The following C8orf89 variants were observed in gnomAD, a reference collection of about 807,000 sequenced individuals.
The protein encoded by C8orf89 is putative uncharacterized protein C8orf89.
A neutral mutation model predicts 15.8 loss-of-function variants in C8orf89; 14 were observed. The ratio of observed to expected loss-of-function variants is 0.89; its 90% CI spans 0.59 to 1.39. C8orf89 has a LOEUF of 1.39. Ranked by LOEUF, C8orf89 falls within the 40% of genes most tolerant of loss-of-function variation. The pLI is 0.00. For missense variants in C8orf89, 181 were observed against 184.5 expected (o/e 0.98, Z 0.11); for synonymous variants, 55 against 62.2 (o/e 0.88, Z 0.54).
chr8:73,260,763 C>G (rs1813510584), upstream of C8orf89, among the ~76,000 whole-genome samples: 1 of 152,052 alleles, frequency 6.6e-6, no homozygotes, highest in African/African-American at 2.4e-5. Flanking sequence ...TATTGAGTGT[C>G]AACTTGATTG....
At chr8:73,247,272 C>T (rs1039885830) in intron 3 of C8orf89, among the ~76,000 whole-genome samples, 5 of 152,164 alleles carry the variant, frequency 3.3e-5, no homozygotes, top group Admixed American at 2.6e-4. Flanking sequence ...AGGACATGAT[C>T]TGTTCTTTTT....
At chr8:73,280,566 G>A in the C8orf89 span, among the ~76,000 whole-genome samples, 6 of 151,984 alleles carry the variant, frequency 3.9e-5, no homozygotes, top group African/African-American at 1.2e-4. Context: ...TTGAGAAGGG[G>A]TTTCACCATG....
intron 3 of C8orf89, among the ~76,000 whole-genome samples, chr8:73,246,897 T>C (rs773299645): frequency 2.0e-5 from 3 of 152,180 alleles, no homozygotes; most frequent in Non-Finnish European, 4.4e-5. Context: ...ACTTAGTAAT[T>C]TTAGTTTTGG....
chr8:73,246,657 G>A (rs1194963829), intron 3 of C8orf89, among the ~76,000 whole-genome samples: 5 of 152,232 alleles, frequency 3.3e-5, no homozygotes, highest in Middle Eastern at 3.4e-3. Flanking sequence ...GATTACAGGC[G>A]TGAGCCACCG....
chr8:73,243,852 C>T (rs1366385208), intron 3 of C8orf89, among the ~76,000 whole-genome samples: 1 of 152,046 alleles, frequency 6.6e-6, no homozygotes, highest in Non-Finnish European at 1.5e-5. Flanking sequence ...TATAAAATGA[C>T]TATGTGCCTC....
the C8orf89 span, chr8:73,277,472 T>C: frequency 1.6e-5 from 15 of 959,322 alleles, no homozygotes; most frequent in Non-Finnish European, 3.2e-6. Context: ...TCGAGAAGAA[T>C]CCCCTGGTTT....
upstream of C8orf89, among the ~76,000 whole-genome samples, chr8:73,262,641 AC>A (rs1813549665): frequency 6.6e-6 from 1 of 151,766 alleles, no homozygotes. Flanking sequence ...ACATAGTGAG[AC>A]CCCCTAATCT....
At chr8:73,281,493 CAAT>C in the C8orf89 span, among the ~76,000 whole-genome samples, 426 of 152,200 alleles carry the variant, frequency 2.8e-3, 1 homozygote, top group Non-Finnish European at 5.1e-3. Flanking sequence ...TGTAATACAA[CAAT>C]GATTAAAGAT....
the C8orf89 span, among the ~76,000 whole-genome samples, chr8:73,276,868 G>A: frequency 8.7e-5 from 12 of 137,290 alleles, no homozygotes; most frequent in Admixed American, 1.7e-4. Flanking sequence ...GTGCAGTGGC[G>A]TGATCTCGGC....
At chr8:73,271,879 G>T in the C8orf89 span, among the ~76,000 whole-genome samples, 1 of 152,294 alleles carries the variant, frequency 6.6e-6, no homozygotes, top group African/African-American at 2.4e-5. Context: ...AATTATAGGA[G>T]AACAATTCAA....
At chr8:73,276,343 A>T in the C8orf89 span, among the ~76,000 whole-genome samples, 1 of 151,696 alleles carries the variant, frequency 6.6e-6, no homozygotes, top group Non-Finnish European at 1.5e-5. Context: ...CGCCCTGCTA[A>T]TTTTTTGTAT....
At chr8:73,246,307 G>A (rs991491246) in intron 3 of C8orf89, among the ~76,000 whole-genome samples, 1 of 152,202 alleles carries the variant, frequency 6.6e-6, no homozygotes, top group African/African-American at 2.4e-5. Flanking sequence ...AAGTCATAAT[G>A]TTAGAAAAGA....
upstream of C8orf89, among the ~76,000 whole-genome samples, chr8:73,263,890 G>A (rs1446433439): frequency 1.3e-5 from 2 of 152,084 alleles, no homozygotes; most frequent in Non-Finnish European, 2.9e-5. Context: ...GTTCCTAGGG[G>A]GACTTATAAG....
rs1156853187 is a variant in C8orf89, at chr8:73,241,452, A to T, written c.*5T>A. On this transcript the variant is annotated 3_prime_UTR_variant, in exon 4 of 4. Transcript: ENST00000624510. ...TGAAGAAAGCATCACACTGTACGAC[A>T]TTTTTCAGCGGTCTCGGAGGTCTCG... 1.8e-5 allele frequency: 28 copies of T among 1,519,494 alleles called. No individual in the cohort carries two copies. The highest frequency in any genetic ancestry group is 2.5e-5 in the Non-Finnish European group (28 of 1,138,222). The allele number at this position is 1,519,494 out of a possible 1,614,324, so 94.1% of individuals were successfully genotyped here.
At chr8:73,258,449 A>C (rs571488251) in intron 1 of C8orf89, among the ~76,000 whole-genome samples, 3 of 151,756 alleles carry the variant, frequency 2.0e-5, no homozygotes, top group African/African-American at 7.3e-5. Context: ...TTCTCCATCA[A>C]TAAAGATGGA....
chr8:73,270,844 G>GTGCT, the C8orf89 span, among the ~76,000 whole-genome samples: 1 of 152,148 alleles, frequency 6.6e-6, no homozygotes, highest in Non-Finnish European at 1.5e-5. Flanking sequence ...GTGAACAAAA[G>GTGCT]TATTTCCCAC....
the C8orf89 span, among the ~76,000 whole-genome samples, chr8:73,281,534 G>A: frequency 7.2e-5 from 11 of 152,304 alleles, no homozygotes; most frequent in African/African-American, 2.6e-4. Context: ...GGAGGTAGTG[G>A]GGAGGAGTAA....
chr8:73,257,034 AACTTAC>A lies in C8orf89; in HGVS notation c.214_219del (p.Val72_Ser73del). On this transcript the variant is annotated inframe_deletion, in exon 2 of 4. Coordinates refer to ENST00000624510, the MANE Select transcript of C8orf89 (RefSeq NM_001243237.3). The stretch of plus-strand genomic sequence containing the variant: ...CTTTTAGGAACCTCTAGTGGAGTTG[AACTTAC>A]ACTTTTTTGGCAACTTTGCAGTCCT... 6.5e-7 allele frequency: 1 copy of A among 1,535,938 alleles called. No individual in the cohort carries two copies.
chr8:73,241,559 T>C lies in C8orf89; in HGVS notation c.384A>G (p.Leu128=), dbSNP rs1813007192. 1.3e-6 allele frequency: 2 copies of C among 1,533,386 alleles called. No homozygotes were observed. Among genetic ancestry groups the C allele is most frequent in the Non-Finnish European group, 1.7e-6 (2 of 1,145,212 alleles). The allele number at this position is 1,533,386 out of a possible 1,614,324, so 95.0% of individuals were successfully genotyped here. ...DPLTGAPSQY[L]ERLSKIAILE... ...ATATGGCTATTTTGGAAAGTCTCTC[T>C]AAGTATTGAGATGGTGCTCCAGTGA... The change falls in exon 4 of 4, where the codon TTA becomes TTG. Residue 128 remains leucine (L), a synonymous_variant. Transcript: ENST00000624510.
Sources: gnomAD v4.1 joint callset for allele counts (sites outside exome capture counted in the v4.1 genomes callset) on GRCh38, gnomAD v4.1.1 for gene constraint, MANE v1.5 for transcripts, NCBI Gene and HGNC (gene_info 2026-07-23, HGNC 2026-07-21) for gene names.